The following SDK1 variants were observed in gnomAD, a reference collection of about 807,000 sequenced individuals.
The protein encoded by SDK1 is protein sidekick-1.
A neutral mutation model predicts 245.5 loss-of-function variants in SDK1; 157 were observed. The ratio of observed to expected loss-of-function variants is 0.64; its 90% CI spans 0.56 to 0.73. The LOEUF is 0.73. SDK1 is among the 30% of genes least tolerant of loss of function. SDK1 has a pLI of 0.00. For missense variants in SDK1, 3,583 were observed against 3,002.3 expected, an observed-to-expected ratio of 1.19 and a Z score of -4.52; for synonymous variants, 1,647 against 1,278.5, an observed-to-expected ratio of 1.29 and a Z score of -6.15.
At chr7:4,109,481 G>A (rs1783188493) in intron 22 of SDK1, among the ~76,000 whole-genome samples, 1 of 152,198 alleles carries the variant, frequency 6.6e-6, no homozygotes, top group African/African-American at 2.4e-5. Context: ...CACTTACGAA[G>A]TGTTAAATGC....
chr7:3,377,755 A>G (rs1392424903), intron 1 of SDK1, among the ~76,000 whole-genome samples: 3 of 151,884 alleles, frequency 2.0e-5, no homozygotes, highest in African/African-American at 7.3e-5. Context: ...GTTCCAAACT[A>G]TATTTTTATT....
chr7:3,626,953 G>A lies in SDK1; in HGVS notation c.458+7714G>A, dbSNP rs368924868. Among the ~76,000 whole-genome samples the A allele has an allele frequency of 2.3e-4, 35 of 151,890 alleles. No homozygotes were observed. The East Asian group carries it at 5.8e-3, about 25-fold the overall frequency. ...TTTTTTTTTTTTTATTTTGAGACGG[G>A]GTCTTGCTTTGTTGCCCACGCTGGA... On this transcript the variant is annotated intron_variant, in intron 2 of 44. Coordinates refer to ENST00000404826, the MANE Select transcript of SDK1 (RefSeq NM_152744.4).
chr7:3,754,146 G>C (rs1215213554), intron 4 of SDK1, among the ~76,000 whole-genome samples: 1 of 152,202 alleles, frequency 6.6e-6, no homozygotes, highest in Non-Finnish European at 1.5e-5. Flanking sequence ...TTGGCTCTTG[G>C]AGAGGTTTTT....
At chr7:3,970,444 A>G (rs1198235752) in intron 11 of SDK1, among the ~76,000 whole-genome samples, 2 of 152,232 alleles carry the variant, frequency 1.3e-5, no homozygotes, top group Non-Finnish European at 2.9e-5. Flanking sequence ...TGACTCTGTC[A>G]GCCACTTCGT....
intron 1 of SDK1, among the ~76,000 whole-genome samples, chr7:3,420,933 G>C (rs994237305): frequency 2.0e-5 from 3 of 152,106 alleles, no homozygotes; most frequent in Non-Finnish European, 4.4e-5. Context: ...AGGCCCCAGT[G>C]TGTGTTGTTC....
intron 4 of SDK1, among the ~76,000 whole-genome samples, chr7:3,687,103 C>A (rs867752273): frequency 8.3e-6 from 1 of 120,826 alleles, no homozygotes; most frequent in African/African-American, 4.2e-5. Context: ...ACACACACCA[C>A]CCTGTATCAC....
intron 44 of SDK1, among the ~76,000 whole-genome samples, chr7:4,261,443 C>G (rs531708599): frequency 1.3e-5 from 2 of 152,074 alleles, no homozygotes; most frequent in Non-Finnish European, 2.9e-5. Flanking sequence ...CTGGGGAAAC[C>G]GGATTGGCAG....
Position 3,446,587 on chromosome 7 carries a change from A to G in SDK1, c.298+144703A>G, listed in dbSNP as rs1226087507. On this transcript the variant is annotated intron_variant, in intron 1 of 44. Coordinates refer to ENST00000404826, the MANE Select transcript of SDK1 (RefSeq NM_152744.4). ...AAATGTTTTGGATCAATTCAACTCAATTTAATAAGTCTCTGCTTTTAATTT... is the reference window on the plus strand; with the variant it reads ...AAATGTTTTGGATCAATTCAACTCAGTTTAATAAGTCTCTGCTTTTAATTT... Among the ~76,000 whole-genome samples, 6 of 152,290 alleles carry G rather than the reference A, an allele frequency of 3.9e-5. No homozygotes were observed. In the East Asian group the frequency reaches 5.8e-4, roughly 15 times the overall value.
chr7:3,623,783 A>G (rs907504306), intron 2 of SDK1, among the ~76,000 whole-genome samples: 4 of 152,198 alleles, frequency 2.6e-5, no homozygotes, highest in African/African-American at 4.8e-5. Context: ...GCTAGGCACA[A>G]TATTTATTAT....
intron 38 of SDK1, 136 bp downstream of exon 38, chr7:4,210,298 T>A (rs555050225): frequency 1.8e-4 from 173 of 978,492 alleles, no homozygotes; most frequent in Non-Finnish European, 1.0e-4. Flanking sequence ...GGTTTTGGAA[T>A]CTGAGCTGGA....
chr7:3,637,505 G>T (rs1014160988), intron 2 of SDK1, among the ~76,000 whole-genome samples: 5 of 152,226 alleles, frequency 3.3e-5, no homozygotes, highest in Non-Finnish European at 1.5e-5. Flanking sequence ...ATCTTGGGCA[G>T]CTTAGAAGTT....
chr7:4,174,489 C>A, intron 33 of SDK1, 132 bp downstream of exon 33: 1 of 1,061,688 alleles, frequency 9.4e-7, no homozygotes, highest in Non-Finnish European at 1.4e-6. Flanking sequence ...CCCTCAGGAA[C>A]AGGGAGCAGG....
chr7:3,349,503 C>T (rs4722711), intron 1 of SDK1, among the ~76,000 whole-genome samples: 2 of 151,978 alleles, frequency 1.3e-5, no homozygotes, highest in East Asian at 1.9e-4. Flanking sequence ...ATGTGTTCTG[C>T]GGGGACCAGC....
chr7:3,512,270 G>A (rs1782605588), intron 1 of SDK1, among the ~76,000 whole-genome samples: 1 of 152,164 alleles, frequency 6.6e-6, no homozygotes, highest in African/African-American at 2.4e-5. Context: ...TTTCCTCCCT[G>A]TGTTTTCATA....
chr7:3,999,435 A>C (rs989769134), intron 14 of SDK1, among the ~76,000 whole-genome samples: 1 of 152,192 alleles, frequency 6.6e-6, no homozygotes, highest in Non-Finnish European at 1.5e-5. Flanking sequence ...GCTTGCCAGG[A>C]AAGTGGATCT....
chr7:3,363,673 A>C (rs1781012368), intron 1 of SDK1, among the ~76,000 whole-genome samples: 3 of 152,174 alleles, frequency 2.0e-5, no homozygotes, highest in Admixed American at 1.3e-4. Context: ...CACAAGAAGC[A>C]CGCAGTCTAG....
chr7:4,013,083 A>G (rs534603359), intron 16 of SDK1, among the ~76,000 whole-genome samples: 4 of 152,350 alleles, frequency 2.6e-5, no homozygotes, highest in Non-Finnish European at 4.4e-5. Flanking sequence ...AATGAAATCA[A>G]TATATTTGGA....
At position 3,351,261 on chromosome 7, in the gene SDK1, T is replaced by A. The variant is rs78033637; in HGVS notation, c.298+49377T>A. 4.5e-4 allele frequency among the ~76,000 whole-genome samples: 69 copies of A among 152,266 alleles called. 1 individual carries two copies. In the East Asian group the frequency reaches 0.011, roughly 23 times the overall value. ...GCTTTCAACTAGAAGCATGAGAATT[T>A]AGGAAAGTTATATTGAGACATATAA... On this transcript the variant is annotated intron_variant, in intron 1 of 44. Transcript: ENST00000404826.
intron 1 of SDK1, among the ~76,000 whole-genome samples, chr7:3,392,238 C>T (rs909330370): frequency 1.3e-5 from 2 of 152,032 alleles, no homozygotes; most frequent in Non-Finnish European, 2.9e-5. Context: ...TAGCAAATTC[C>T]ACTTGTGACC....
Sources: gnomAD v4.1 joint callset for allele counts (sites outside exome capture counted in the v4.1 genomes callset) on GRCh38, gnomAD v4.1.1 for gene constraint, MANE v1.5 for transcripts, NCBI Gene and HGNC (gene_info 2026-07-23, HGNC 2026-07-21) for gene names.